The following CTNNA1 variants were observed in gnomAD, a reference collection of about 807,000 sequenced individuals.
The protein encoded by CTNNA1 is catenin alpha 1, also known as catenin alpha-1.
CTNNA1 carries 37 observed loss-of-function variants against 98.4 expected under a neutral mutation model. That is an observed-to-expected ratio of 0.38 (90% CI 0.29 to 0.49). CTNNA1 has a LOEUF of 0.49. Ranked by LOEUF, CTNNA1 falls within the 20% of genes least tolerant of loss-of-function variation. The probability of loss-of-function intolerance (pLI) is 0.95; values close to 1 mark genes in which losing one functional copy is unlikely to be tolerated. For synonymous variants in CTNNA1, 404 were observed against 413.2 expected (o/e 0.98, Z 0.27); for missense variants, 761 against 1,147.2 (o/e 0.66, Z 4.86).
chr5:138,762,482 C>T (rs375117540), intron 1 of CTNNA1, among the ~76,000 whole-genome samples: 2 of 84,284 alleles, frequency 2.4e-5, no homozygotes, highest in African/African-American at 7.3e-5. Flanking sequence ...TCATTATTTT[C>T]TTTAGTTTTT....
intron 7 of CTNNA1, among the ~76,000 whole-genome samples, chr5:138,865,287 A>C (rs1456148568): frequency 6.6e-6 from 1 of 152,182 alleles, no homozygotes; most frequent in Non-Finnish European, 1.5e-5. Flanking sequence ...CAGAACTTCT[A>C]GGCTCCACCC....
intron 13 of CTNNA1, among the ~76,000 whole-genome samples, chr5:138,928,444 T>C (rs1424015292): frequency 2.0e-5 from 3 of 152,230 alleles, no homozygotes; most frequent in Non-Finnish European, 1.5e-5. Flanking sequence ...CTATTTTTAC[T>C]CCTCCAAGCA....
chr5:138,759,126 A>AT (rs968289021), intron 1 of CTNNA1, among the ~76,000 whole-genome samples: 23 of 149,852 alleles, frequency 1.5e-4, no homozygotes, highest in East Asian at 2.0e-4. Context: ...TTATTGGTTA[A>AT]TTTTTTTTTT....
chr5:138,857,092 T>C (rs139296914), intron 7 of CTNNA1, among the ~76,000 whole-genome samples: 134 of 152,360 alleles, frequency 8.8e-4, no homozygotes, highest in African/African-American at 3.2e-3. Context: ...ACCCTTTGCC[T>C]GCCCTTTAAA....
intron 16 of CTNNA1, chr5:138,931,638 C>T: frequency 2.0e-6 from 2 of 985,474 alleles, no homozygotes; most frequent in Non-Finnish European, 2.4e-6. Flanking sequence ...CTTGTCCTTT[C>T]TGCAGATCTC....
At chr5:138,812,913 A>G (rs1758991832) in intron 5 of CTNNA1, among the ~76,000 whole-genome samples, 1 of 152,238 alleles carries the variant, frequency 6.6e-6, no homozygotes, top group African/African-American at 2.4e-5. Flanking sequence ...AGGAAGATCC[A>G]TATATTGCTA....
intron 3 of CTNNA1, among the ~76,000 whole-genome samples, chr5:138,802,227 T>C (rs1757650342): frequency 6.6e-6 from 1 of 152,226 alleles, no homozygotes; most frequent in Admixed American, 6.5e-5. Context: ...TCAGTGTTTA[T>C]AATGTTTTAA....
chr5:138,808,303 G>A (rs1758313236), intron 3 of CTNNA1, among the ~76,000 whole-genome samples: 1 of 152,140 alleles, frequency 6.6e-6, no homozygotes, highest in Admixed American at 6.5e-5. Context: ...GTATGCCCTT[G>A]ATGTGCGATG....
intron 7 of CTNNA1, among the ~76,000 whole-genome samples, chr5:138,830,626 T>G (rs1761185589): frequency 1.3e-5 from 2 of 152,196 alleles, no homozygotes; most frequent in Admixed American, 6.5e-5. Context: ...TTTTGCTTAT[T>G]TATGAAGCAT....
intron 8 of CTNNA1, among the ~76,000 whole-genome samples, chr5:138,886,590 T>C (rs1754077758): frequency 2.6e-5 from 4 of 152,196 alleles, no homozygotes; most frequent in East Asian, 1.9e-4. Flanking sequence ...AAAATAATCC[T>C]GAAGGATCTT....
chr5:138,868,089 T>C (rs1764973869), intron 7 of CTNNA1, among the ~76,000 whole-genome samples: 1 of 152,224 alleles, frequency 6.6e-6, no homozygotes, highest in East Asian at 1.9e-4. Flanking sequence ...CTCCAGCTTA[T>C]TTTTGTAAGA....
At chr5:138,826,043 G>T (rs1016641964) in intron 6 of CTNNA1, among the ~76,000 whole-genome samples, 1 of 152,210 alleles carries the variant, frequency 6.6e-6, no homozygotes, top group Admixed American at 6.5e-5. Context: ...GGCTCATTGA[G>T]GCTCTGTTAC....
At chr5:138,858,491 A>G (rs1366635773) in intron 7 of CTNNA1, among the ~76,000 whole-genome samples, 4 of 152,134 alleles carry the variant, frequency 2.6e-5, no homozygotes, top group African/African-American at 4.8e-5. Context: ...GCTATTGGTG[A>G]ATTTCGATAA....
intron 7 of CTNNA1, among the ~76,000 whole-genome samples, chr5:138,858,978 C>T (rs963131167): frequency 3.9e-5 from 6 of 152,188 alleles, no homozygotes; most frequent in Non-Finnish European, 8.8e-5. Context: ...TGTTCGTGAA[C>T]TTTCATTGGT....
At chr5:138,762,522 A>G (rs1016012385) in intron 1 of CTNNA1, among the ~76,000 whole-genome samples, 2 of 151,858 alleles carry the variant, frequency 1.3e-5, no homozygotes, top group African/African-American at 4.8e-5. Context: ...ATTTTTCTCC[A>G]TGTGGAAGTA....
chr5:138,823,435 G>A (rs1382566454), intron 5 of CTNNA1, among the ~76,000 whole-genome samples: 3 of 152,116 alleles, frequency 2.0e-5, no homozygotes, highest in South Asian at 4.2e-4. Flanking sequence ...ATAGATTGGG[G>A]CTATGAAGCA....
intron 9 of CTNNA1, among the ~76,000 whole-genome samples, chr5:138,893,071 A>G (rs1167923550): frequency 6.6e-6 from 1 of 152,162 alleles, no homozygotes; most frequent in Non-Finnish European, 1.5e-5. Flanking sequence ...TGGCTCTTGT[A>G]CTTTTGTTGA....
intron 7 of CTNNA1, among the ~76,000 whole-genome samples, chr5:138,829,941 C>T (rs1761093341): frequency 6.6e-6 from 1 of 151,500 alleles, no homozygotes; most frequent in South Asian, 2.1e-4. Context: ...CTGAGGCGGG[C>T]AGATCACAAG....
Position 138,887,573 on chromosome 5 carries a change from G to T in CTNNA1, c.1227G>T (p.Lys409Asn). Residue 409 changes from lysine (K) to asparagine (N), a missense_variant, in exon 9 of 18, where the codon AAG becomes AAT. This residue lies in a region of CTNNA1 where 287 missense variants were observed against 436.0 expected (regional missense o/e 0.66). Coordinates refer to ENST00000302763, the MANE Select transcript of CTNNA1 (RefSeq NM_001903.5). ...VPLLVLIEAA[K>N]NGNEKEVKEY... is the part of the protein sequence containing the mutation. ...TTTTGGTATTGATTGAAGCTGCAAA[G>T]AATGGAAATGAGAAAGAAGTTAAGG... is the stretch of plus-strand genomic sequence containing the variant. 1 of 1,612,598 alleles carries T rather than the reference G, an allele frequency of 6.2e-7. No homozygotes were observed. Among genetic ancestry groups the T allele is most frequent in the East Asian group, 2.2e-5 (1 of 44,796 alleles).
Sources: gnomAD v4.1 joint callset for allele counts (sites outside exome capture counted in the v4.1 genomes callset) on GRCh38, gnomAD v4.1.1 for gene constraint, gnomAD v4.1.1 regional missense constraint, MANE v1.5 for transcripts, NCBI Gene and HGNC (gene_info 2026-07-23, HGNC 2026-07-21) for gene names.